PDE4D: variants seen among roughly 807,000 people sequenced by gnomAD.
PDE4D encodes 3',5'-cyclic-AMP phosphodiesterase 4D.
In PDE4D, 24 loss-of-function variants were observed where a neutral mutation model predicts 87.4. The ratio of observed to expected loss-of-function variants is 0.27; its 90% CI spans 0.20 to 0.39. The LOEUF (loss-of-function observed/expected upper bound fraction) is 0.39, where lower values mean the gene tolerates loss of function less well. PDE4D is among the 10% of genes least tolerant of loss of function. The pLI is 1.00. For missense variants in PDE4D, 714 were observed against 1,041.0 expected (o/e 0.69, Z 4.32); for synonymous variants, 384 against 383.2 (o/e 1.00, Z -0.02).
At chr5:59,598,589 T>G (rs528376764) in intron 1 of PDE4D, among the ~76,000 whole-genome samples, 20 of 152,150 alleles carry the variant, frequency 1.3e-4, no homozygotes, top group Non-Finnish European at 2.2e-4. Context: ...CCTGTGTGTG[T>G]GGGAGGGTTG....
chr5:59,748,150 G>T (rs1413706809), intron 1 of PDE4D, among the ~76,000 whole-genome samples: 1 of 152,120 alleles, frequency 6.6e-6, no homozygotes, highest in Non-Finnish European at 1.5e-5. Context: ...CTGTACCAGG[G>T]TTGGCACATG....
chr5:59,706,005 A>G (rs1188302832), intron 1 of PDE4D, among the ~76,000 whole-genome samples: 5 of 152,176 alleles, frequency 3.3e-5, no homozygotes. Flanking sequence ...TGGAGATTAA[A>G]TTAGGTTTAA....
At chr5:59,606,798 CA>C (rs1275787832) in intron 1 of PDE4D, among the ~76,000 whole-genome samples, 1 of 152,094 alleles carries the variant, frequency 6.6e-6, no homozygotes, top group Non-Finnish European at 1.5e-5. Flanking sequence ...GTGAGGAAAA[CA>C]AAGCACAGAA....
chr5:59,741,286 G>A (rs1758796059), intron 1 of PDE4D, among the ~76,000 whole-genome samples: 1 of 152,102 alleles, frequency 6.6e-6, no homozygotes, highest in African/African-American at 2.4e-5. Flanking sequence ...TCTCTGAAAG[G>A]TCCCTTCTTC....
At chr5:59,726,864 T>C (rs575109298) in intron 1 of PDE4D, among the ~76,000 whole-genome samples, 81 of 152,114 alleles carry the variant, frequency 5.3e-4, no homozygotes, top group African/African-American at 1.9e-3. Context: ...AGATCAACTA[T>C]ATAGAAGATC....
intron 1 of PDE4D, among the ~76,000 whole-genome samples, chr5:59,753,124 T>C (rs925944546): frequency 5.3e-5 from 8 of 152,292 alleles, no homozygotes; most frequent in Non-Finnish European, 1.0e-4. Context: ...ACCTCTGCTA[T>C]AGATAGTGGA....
intron 5 of PDE4D, among the ~76,000 whole-genome samples, chr5:59,098,643 G>A (rs1354988846): frequency 1.5e-5 from 2 of 130,492 alleles, no homozygotes; most frequent in African/African-American, 2.9e-5. Context: ...GGCTAAGGCT[G>A]CAGTAAGCCC....
intron 2 of PDE4D, among the ~76,000 whole-genome samples, chr5:60,037,802 T>C (rs1004253870): frequency 2.6e-5 from 4 of 152,234 alleles, no homozygotes; most frequent in Non-Finnish European, 5.9e-5. Flanking sequence ...AGACAACTTT[T>C]ATTCTGACAC....
chr5:59,641,344 C>T (rs1210685061), intron 1 of PDE4D, among the ~76,000 whole-genome samples: 1 of 152,118 alleles, frequency 6.6e-6, no homozygotes, highest in Non-Finnish European at 1.5e-5. Context: ...CCAGTGAGAC[C>T]ATCACCACAA....
intron 2 of PDE4D, among the ~76,000 whole-genome samples, chr5:60,080,307 A>G (rs1392073038): frequency 1.3e-5 from 2 of 152,216 alleles, no homozygotes; most frequent in Non-Finnish European, 2.9e-5. Context: ...TGCTAAATAT[A>G]AAATCATGTT....
intron 3 of PDE4D, among the ~76,000 whole-genome samples, chr5:59,929,737 T>A (rs938574098): frequency 6.6e-6 from 1 of 152,194 alleles, no homozygotes; most frequent in Non-Finnish European, 1.5e-5. Context: ...ACACAGCATC[T>A]TAATGGATTA....
intron 3 of PDE4D, among the ~76,000 whole-genome samples, chr5:59,900,221 T>C (rs1183311672): frequency 1.5e-5 from 2 of 137,458 alleles, no homozygotes; most frequent in South Asian, 2.4e-4. Flanking sequence ...ACCCAGGCAA[T>C]AGAGCAAGAC....
At chr5:59,535,610 T>C (rs961816873) in intron 1 of PDE4D, among the ~76,000 whole-genome samples, 2 of 152,218 alleles carry the variant, frequency 1.3e-5, no homozygotes, top group Non-Finnish European at 2.9e-5. Context: ...AGGGAATAAA[T>C]ACTTACATAA....
chr5:60,521,949 A>G (rs1459743071), intron 1 of PDE4D: 1 of 151,816 alleles, frequency 6.6e-6, no homozygotes, highest in Non-Finnish European at 1.5e-5. Context: ...AAAAAAAAAA[A>G]AATGCTTCCC....
chr5:59,069,379 A>G (rs1764396330), intron 5 of PDE4D, among the ~76,000 whole-genome samples: 1 of 152,240 alleles, frequency 6.6e-6, no homozygotes, highest in South Asian at 2.1e-4. Flanking sequence ...AGAAGATGCA[A>G]TGAAAAGACT....
At chr5:59,940,025 A>C (rs2152797206) in intron 3 of PDE4D, among the ~76,000 whole-genome samples, 1 of 152,306 alleles carries the variant, frequency 6.6e-6, no homozygotes, top group Non-Finnish European at 1.5e-5. Context: ...GCTCTCTGGA[A>C]GGAAGTCCAT....
At chr5:59,038,820 C>A in intron 6 of PDE4D, 39 bp downstream of exon 6, 1 of 1,431,668 alleles carries the variant, frequency 7.0e-7, no homozygotes, top group Non-Finnish European at 9.2e-7. Flanking sequence ...TGGGAATCAG[C>A]AGCCTGGGGG....
chr5:60,043,104 G>T (rs924387808), intron 2 of PDE4D, among the ~76,000 whole-genome samples: 5 of 151,780 alleles, frequency 3.3e-5, no homozygotes, highest in Admixed American at 3.3e-4. Flanking sequence ...GAATATAAAC[G>T]ACCTGATGGA....
chr5:59,323,652 T>G (rs1035814569), intron 1 of PDE4D, among the ~76,000 whole-genome samples: 1 of 151,924 alleles, frequency 6.6e-6, no homozygotes, highest in Non-Finnish European at 1.5e-5. Context: ...TATTCACCTC[T>G]CTCCAGCCCC....
Sources: gnomAD v4.1 joint callset for allele counts (sites outside exome capture counted in the v4.1 genomes callset) on GRCh38, gnomAD v4.1.1 for gene constraint, MANE v1.5 for transcripts, NCBI Gene and HGNC (gene_info 2026-07-23, HGNC 2026-07-21) for gene names.